CSMD1: variants seen among roughly 807,000 people sequenced by gnomAD.
The protein encoded by CSMD1 is CUB and Sushi multiple domains 1.
Under a neutral mutation model 417.5 loss-of-function variants are expected in CSMD1, and 213 were observed. The observed-to-expected ratio is 0.51, with a 90% CI of 0.46 to 0.57. The LOEUF (loss-of-function observed/expected upper bound fraction) is 0.57. Among genes scored for constraint, CSMD1 ranks in the 20% least tolerant of loss-of-function variants. The probability of loss-of-function intolerance (pLI) is 0.00; values close to 1 mark genes in which losing one functional copy is unlikely to be tolerated. For synonymous variants in CSMD1, 2,862 were observed against 1,736.8 expected (o/e 1.65, Z -16.11); for missense variants, 6,923 against 4,529.7 (o/e 1.53, Z -15.17).
intron 62 of CSMD1, among the ~76,000 whole-genome samples, chr8:2,960,940 A>C (rs1289503660): frequency 2.5e-4 from 3 of 11,972 alleles, no homozygotes; most frequent in African/African-American, 6.7e-4. Context: ...AGTAAGCAAG[A>C]TATATATATA....
intron 2 of CSMD1, among the ~76,000 whole-genome samples, chr8:4,589,606 T>C (rs577641424): frequency 1.3e-3 from 191 of 152,338 alleles, no homozygotes; most frequent in Admixed American, 3.1e-3. Flanking sequence ...GCTAACTCAT[T>C]ACTCAAAAAG....
chr8:3,620,854 C>T (rs1232256656), intron 7 of CSMD1, among the ~76,000 whole-genome samples: 2 of 152,068 alleles, frequency 1.3e-5, no homozygotes, highest in Non-Finnish European at 2.9e-5. Flanking sequence ...ATTTAACGCC[C>T]TGTTTTAGGC....
At chr8:3,293,437 A>C (rs1052359402) in intron 25 of CSMD1, among the ~76,000 whole-genome samples, 5 of 152,088 alleles carry the variant, frequency 3.3e-5, no homozygotes, top group Admixed American at 3.3e-4. Context: ...ACTTGGTTCC[A>C]TTCTCCCTGT....
At chr8:3,148,942 G>A (rs936463967) in intron 40 of CSMD1, among the ~76,000 whole-genome samples, 47 of 152,276 alleles carry the variant, frequency 3.1e-4, no homozygotes, top group African/African-American at 1.1e-3. Flanking sequence ...AAAAGCTAGG[G>A]ATAATACTTT....
intron 5 of CSMD1, among the ~76,000 whole-genome samples, chr8:3,771,569 G>C (rs1337760600): frequency 6.6e-6 from 1 of 152,126 alleles, no homozygotes; most frequent in Non-Finnish European, 1.5e-5. Context: ...CACAGCCCTA[G>C]AGACCTGGAG....
chr8:3,263,795 CAA>C (rs1334384535), intron 26 of CSMD1, among the ~76,000 whole-genome samples: 5 of 152,150 alleles, frequency 3.3e-5, no homozygotes, highest in African/African-American at 1.2e-4. Context: ...TTCTCTGACA[CAA>C]AGACACTAAT....
chr8:4,362,127 T>C (rs559333174), intron 3 of CSMD1, among the ~76,000 whole-genome samples: 1 of 152,300 alleles, frequency 6.6e-6, no homozygotes, highest in African/African-American at 2.4e-5. Context: ...AAGTACTTTA[T>C]AAAAATAGAA....
rs185198133 is a variant in CSMD1 at position 4,022,798 on chromosome 8, C to G, written c.610+9107G>C. Among the ~76,000 whole-genome samples, 55 of 152,180 alleles carry G rather than the reference C, an allele frequency of 3.6e-4. No homozygotes were observed. The East Asian group carries it at 0.01, about 28-fold the overall frequency. On this transcript the variant is annotated intron_variant, in intron 4 of 69. Transcript: ENST00000635120. ...AATTGTATTCCACATATTAAGCAAT[C>G]GTGTAAGTTAGAGAAACAATTCAGT...
At chr8:4,353,583 A>G (rs569764915) in intron 3 of CSMD1, among the ~76,000 whole-genome samples, 2 of 152,204 alleles carry the variant, frequency 1.3e-5, no homozygotes, top group East Asian at 1.9e-4. Flanking sequence ...CCAAAGTAGC[A>G]TATCCTGAAG....
At chr8:4,367,157 C>G (rs1314587604) in intron 3 of CSMD1, among the ~76,000 whole-genome samples, 2 of 152,098 alleles carry the variant, frequency 1.3e-5, no homozygotes, top group East Asian at 3.8e-4. Flanking sequence ...AGGTTGTTTT[C>G]TATGATTTTA....
chr8:3,877,890 T>C (rs2975347), intron 5 of CSMD1, among the ~76,000 whole-genome samples: 5,032 of 151,992 alleles, frequency 0.033, 281 homozygotes, highest in African/African-American at 0.12. Flanking sequence ...AGAAGGAAAA[T>C]TGTATCTTCA....
At chr8:4,636,739 T>C (rs577504709) in intron 2 of CSMD1, among the ~76,000 whole-genome samples, 8 of 152,302 alleles carry the variant, frequency 5.3e-5, no homozygotes, top group Admixed American at 3.9e-4. Flanking sequence ...GTATGCACAA[T>C]TTGCCACAAG....
At chr8:3,674,976 G>A (rs1445750713) in intron 7 of CSMD1, among the ~76,000 whole-genome samples, 2 of 152,144 alleles carry the variant, frequency 1.3e-5, no homozygotes, top group African/African-American at 4.8e-5. Context: ...GGCACAAAAA[G>A]GGGTTAACAT....
intron 1 of CSMD1, among the ~76,000 whole-genome samples, chr8:4,646,893 GAGC>G (rs910116062): frequency 6.6e-6 from 1 of 152,124 alleles, no homozygotes; most frequent in Non-Finnish European, 1.5e-5. Flanking sequence ...GACAAATTAT[GAGC>G]AGATTTTTTT....
intron 2 of CSMD1, among the ~76,000 whole-genome samples, chr8:4,617,346 G>T (rs558233766): frequency 2.0e-5 from 3 of 152,152 alleles, no homozygotes; most frequent in African/African-American, 7.2e-5. Context: ...TTAGAAAACG[G>T]AATGTAAACA....
At chr8:4,890,199 A>G (rs1487839507) in intron 1 of CSMD1, among the ~76,000 whole-genome samples, 1 of 152,170 alleles carries the variant, frequency 6.6e-6, no homozygotes, top group Non-Finnish European at 1.5e-5. Flanking sequence ...AATATCTCAT[A>G]AACACACTTG....
At chr8:3,961,117 T>TA (rs1003187586) in intron 5 of CSMD1, among the ~76,000 whole-genome samples, 4 of 152,234 alleles carry the variant, frequency 2.6e-5, no homozygotes, top group Admixed American at 2.0e-4. Context: ...AGCTAATAAT[T>TA]AAAAATTGCA....
In CSMD1 at chr8:3,641,845, G is replaced by C. The variant is rs566927166; in HGVS notation, c.1010-25048C>G. ...TCTCTTCCCTCAAACCTACCATAAC[G>C]TCCTATTATTGGTACAGCTAACTTC... On this transcript the variant is annotated intron_variant, in intron 7 of 69. Coordinates refer to ENST00000635120, the MANE Select transcript of CSMD1 (RefSeq NM_033225.6). Among the ~76,000 whole-genome samples, 187 of 152,236 alleles carry C rather than the reference G, an allele frequency of 1.2e-3. 1 individual carries two copies. Among genetic ancestry groups the C allele is most frequent in the Middle Eastern group, 0.01 (3 of 294 alleles).
chr8:3,451,298 G>T (rs955350930), intron 12 of CSMD1, among the ~76,000 whole-genome samples: 1 of 152,142 alleles, frequency 6.6e-6, no homozygotes, highest in African/African-American at 2.4e-5. Flanking sequence ...TTCTTTTGCT[G>T]CACAGAAGCT....
Sources: gnomAD v4.1 joint callset for allele counts (sites outside exome capture counted in the v4.1 genomes callset) on GRCh38, gnomAD v4.1.1 for gene constraint, MANE v1.5 for transcripts, NCBI Gene and HGNC (gene_info 2026-07-23, HGNC 2026-07-21) for gene names.